The following MAP7 variants were observed in gnomAD, a reference collection of about 807,000 sequenced individuals.
The protein encoded by MAP7 is microtubule associated protein 7.
In MAP7, 52 loss-of-function variants were observed where a neutral mutation model predicts 94.8. The ratio of observed to expected loss-of-function variants is 0.55; its 90% CI spans 0.44 to 0.69. The LOEUF (loss-of-function observed/expected upper bound fraction) is 0.69. Ranked by LOEUF, MAP7 falls within the 30% of genes least tolerant of loss-of-function variation. MAP7 has a pLI of 0.00. For synonymous variants in MAP7, 350 were observed against 357.0 expected (o/e 0.98, Z 0.22); for missense variants, 940 against 964.6 (o/e 0.97, Z 0.34).
Position 136,447,778 on chromosome 6 carries a change from T to C in MAP7, c.68-25979A>G, listed in dbSNP as rs1179053853. On this transcript the variant is annotated intron_variant, in intron 1 of 17. Transcript: ENST00000354570. ...ATCACCTAAAACTTTTCTTAAGCAATGACTTTCACATGACATTGTGCTGCT... is the reference window on the plus strand; with the variant it reads ...ATCACCTAAAACTTTTCTTAAGCAACGACTTTCACATGACATTGTGCTGCT... Among the ~76,000 whole-genome samples, 4 of 152,198 alleles carry C rather than the reference T, an allele frequency of 2.6e-5. No individual in the cohort carries two copies. The East Asian group carries it at 5.8e-4, about 22-fold the overall frequency.
intron 1 of MAP7, among the ~76,000 whole-genome samples, chr6:136,469,295 C>G (rs111242363): frequency 9.4e-4 from 143 of 151,840 alleles, no homozygotes; most frequent in African/African-American, 3.4e-3. Flanking sequence ...CTTTCTTTCC[C>G]TCCCTCCCTC....
chr6:136,500,022 T>C (rs1819405516), intron 1 of MAP7, among the ~76,000 whole-genome samples: 2 of 151,976 alleles, frequency 1.3e-5, no homozygotes, highest in Non-Finnish European at 2.9e-5. Flanking sequence ...ACAAAAACAG[T>C]TGAGTGGACT....
intron 7 of MAP7, among the ~76,000 whole-genome samples, chr6:136,373,206 G>A (rs923344503): frequency 1.3e-5 from 2 of 152,134 alleles, no homozygotes; most frequent in East Asian, 1.9e-4. Flanking sequence ...CTTACCAGGT[G>A]TTAAGACTTG....
intron 1 of MAP7, among the ~76,000 whole-genome samples, chr6:136,431,049 T>G (rs1394912869): frequency 6.6e-6 from 1 of 152,218 alleles, no homozygotes; most frequent in Non-Finnish European, 1.5e-5. Flanking sequence ...TTCTACTGGT[T>G]TTCATAAATG....
intron 2 of MAP7, among the ~76,000 whole-genome samples, chr6:136,418,831 A>G (rs988301165): frequency 6.6e-6 from 1 of 152,200 alleles, no homozygotes; most frequent in Non-Finnish European, 1.5e-5. Context: ...CAAAAATTAA[A>G]AGGTGTTACT....
rs916082905 is a variant in MAP7 at position 136,343,363 on chromosome 6, T to C, written c.*865A>G. ...TTCCCCAACATAATTTGTGATCAGG[T>C]AAGGCAAAGATAAGTCCACCATCAC... On this transcript the variant is annotated 3_prime_UTR_variant, in exon 18 of 18. Transcript: ENST00000354570. 1 of 152,652 alleles carries C rather than the reference T, an allele frequency of 6.6e-6. No homozygotes were observed. Among genetic ancestry groups the C allele is most frequent in the Non-Finnish European group, 1.5e-5 (1 of 68,042 alleles). 9.5% of individuals were successfully genotyped at this position (152,652 alleles called of 1,614,324 possible).
chr6:136,423,997 C>T (rs1792337395), intron 1 of MAP7, among the ~76,000 whole-genome samples: 1 of 151,810 alleles, frequency 6.6e-6, no homozygotes. Context: ...GGGGTTTCTC[C>T]ATATTTGTCA....
chr6:136,389,378 C>T lies in MAP7; in HGVS notation c.384G>A (p.Arg128=). The T allele has an allele frequency of 6.4e-7, 1 of 1,559,000 alleles. No homozygotes were observed. The highest frequency in any genetic ancestry group is 1.4e-5 in the African/African-American group (1 of 71,900). Residue 128 remains arginine, a synonymous_variant, in exon 4 of 18, where the codon CGG becomes CGA. Coordinates refer to ENST00000354570, the MANE Select transcript of MAP7 (RefSeq NM_003980.6). ...ERRRAAVEEK[R]RQRLEEDKER... The stretch of plus-strand genomic sequence containing the variant: ...CTTTGTCCTCCTCAAGTCTCTGCCT[C>T]CGCTTCTCCTCCACAGCAGCCCTCC...
chr6:136,520,847 C>T (rs758992857), intron 1 of MAP7, among the ~76,000 whole-genome samples: 4 of 152,196 alleles, frequency 2.6e-5, no homozygotes, highest in South Asian at 2.1e-4. Flanking sequence ...GCAACAAGCA[C>T]TTTGGTGCTG....
intron 3 of MAP7, among the ~76,000 whole-genome samples, chr6:136,399,290 T>A (rs567723930): frequency 1.6e-3 from 242 of 152,264 alleles, no homozygotes; most frequent in Admixed American, 2.7e-3. Context: ...TCCCATGACT[T>A]GATTTTTTTG....
chr6:136,520,057 G>A (rs1344353080), intron 1 of MAP7, among the ~76,000 whole-genome samples: 1 of 151,900 alleles, frequency 6.6e-6, no homozygotes, highest in Non-Finnish European at 1.5e-5. Context: ...AAAAAAAACA[G>A]CCAAGTGTGG....
intron 3 of MAP7, among the ~76,000 whole-genome samples, chr6:136,406,838 C>G (rs1294822246): frequency 6.6e-6 from 1 of 151,972 alleles, no homozygotes; most frequent in East Asian, 1.9e-4. Flanking sequence ...CAAAAACAAA[C>G]AAAACAACAA....
chr6:136,378,772 C>T (rs567046890), intron 6 of MAP7, among the ~76,000 whole-genome samples: 99 of 152,310 alleles, frequency 6.5e-4, no homozygotes, highest in African/African-American at 2.2e-3. Flanking sequence ...CCAGTGATGG[C>T]TCATGAAAAG....
chr6:136,459,496 T>C (rs904056014), intron 1 of MAP7, among the ~76,000 whole-genome samples: 1 of 152,256 alleles, frequency 6.6e-6, no homozygotes, highest in East Asian at 1.9e-4. Context: ...AGCCAAGATA[T>C]GGAAACAAAT....
intron 3 of MAP7, among the ~76,000 whole-genome samples, chr6:136,404,726 CACTTAAACAAA>C (rs1785097000): frequency 6.6e-6 from 1 of 152,122 alleles, no homozygotes; most frequent in Non-Finnish European, 1.5e-5. Context: ...TGTTCCAAGG[CACTTAAACAAA>C]ACTTAAACAC....
At chr6:136,357,151 C>T (rs1791221366) in intron 15 of MAP7, among the ~76,000 whole-genome samples, 1 of 152,152 alleles carries the variant, frequency 6.6e-6, no homozygotes, top group African/African-American at 2.4e-5. Context: ...CTTGATCAAG[C>T]TGACACTGAA....
chr6:136,533,958 A>C (rs1490540868), intron 1 of MAP7, among the ~76,000 whole-genome samples: 1 of 151,910 alleles, frequency 6.6e-6, no homozygotes, highest in East Asian at 1.9e-4. Flanking sequence ...TTTCTCCTAA[A>C]CCCCCCTGAA....
chr6:136,446,980 C>T (rs1332821139), intron 1 of MAP7, among the ~76,000 whole-genome samples: 1 of 152,174 alleles, frequency 6.6e-6, no homozygotes, highest in Non-Finnish European at 1.5e-5. Flanking sequence ...CCCCCACAAA[C>T]ATTTCTGGGT....
intron 1 of MAP7, chr6:136,526,536 T>A (rs1827927972): frequency 4.1e-6 from 4 of 985,378 alleles, no homozygotes; most frequent in South Asian, 9.4e-5. Context: ...CCAGAGCGGC[T>A]CCATCTCCCC....
Sources: allele counts gnomAD v4.1 joint callset (sites outside exome capture counted in the v4.1 genomes callset), GRCh38; gene constraint gnomAD v4.1.1; transcripts MANE v1.5; gene names NCBI Gene and HGNC (gene_info 2026-07-23, HGNC 2026-07-21).